MSRA: variants seen among roughly 807,000 people sequenced by gnomAD.
MSRA encodes methionine sulfoxide reductase A, also known as mitochondrial peptide methionine sulfoxide reductase.
A neutral mutation model predicts 31.3 loss-of-function variants in MSRA; 54 were observed. That is an observed-to-expected ratio of 1.73 (90% CI 1.39 to 2.17). The LOEUF (loss-of-function observed/expected upper bound fraction) is 2.17. Ranked by LOEUF, MSRA falls within the 30% of genes most tolerant of loss-of-function variation. MSRA has a pLI of 0.00. For missense variants in MSRA, 507 were observed against 300.9 expected (o/e 1.69, Z -5.07); for synonymous variants, 169 against 116.5 (o/e 1.45, Z -2.90).
chr8:10,058,297 G>A (rs1221647185), intron 1 of MSRA, among the ~76,000 whole-genome samples: 1 of 152,112 alleles, frequency 6.6e-6, no homozygotes, highest in Non-Finnish European at 1.5e-5. Context: ...CAATGAGGTA[G>A]TCTCAAGAAA....
intron 5 of MSRA, among the ~76,000 whole-genome samples, chr8:10,420,110 G>C (rs143550920): frequency 5.9e-5 from 9 of 152,252 alleles, no homozygotes; most frequent in African/African-American, 2.2e-4. Context: ...GCCTTAAAAA[G>C]AAAGGGTATT....
At chr8:10,236,398 C>A (rs1359535312) in intron 2 of MSRA, among the ~76,000 whole-genome samples, 1 of 152,158 alleles carries the variant, frequency 6.6e-6, no homozygotes, top group Non-Finnish European at 1.5e-5. Context: ...GAATTCTCTA[C>A]TCTTTCTGGC....
At chr8:10,205,728 C>G (rs1329479143) in intron 1 of MSRA, among the ~76,000 whole-genome samples, 1 of 152,156 alleles carries the variant, frequency 6.6e-6, no homozygotes, top group African/African-American at 2.4e-5. Context: ...CTTGCATAGT[C>G]TTTGTGTTTT....
intron 5 of MSRA, among the ~76,000 whole-genome samples, chr8:10,420,854 G>A (rs1339815105): frequency 1.3e-5 from 2 of 150,818 alleles, no homozygotes; most frequent in African/African-American, 2.4e-5. Flanking sequence ...AAATGGCTAA[G>A]ATAGTACATT....
intron 1 of MSRA, among the ~76,000 whole-genome samples, chr8:10,183,307 C>G (rs567797259): frequency 1.3e-5 from 2 of 152,218 alleles, no homozygotes; most frequent in Admixed American, 6.5e-5. Context: ...GAGAACCAAC[C>G]GAAGACAGAC....
intron 5 of MSRA, among the ~76,000 whole-genome samples, chr8:10,402,229 T>C (rs1807510583): frequency 6.6e-6 from 1 of 152,126 alleles, no homozygotes; most frequent in Non-Finnish European, 1.5e-5. Flanking sequence ...TCTAAACATT[T>C]GGCTATGAAG....
chr8:10,227,613 C>T lies in MSRA; in HGVS notation c.212-17491C>T, dbSNP rs552843797. Among the ~76,000 whole-genome samples, 2 of 152,072 alleles carry T rather than the reference C, an allele frequency of 1.3e-5. 1 individual carries two copies. Among genetic ancestry groups the T allele is most frequent in the South Asian group, 4.1e-4 (2 of 4,822 alleles). The stretch of plus-strand genomic sequence containing the variant: ...GAAAAATAGCAATGTGTATAAAGAA[C>T]CTGGAGCTGCATTAATCACAGTGCA... On this transcript the variant is annotated intron_variant, in intron 2 of 5. Transcript: ENST00000317173.
chr8:10,401,760 T>C (rs1179670136), intron 5 of MSRA, among the ~76,000 whole-genome samples: 2 of 152,188 alleles, frequency 1.3e-5, no homozygotes, highest in Non-Finnish European at 1.5e-5. Flanking sequence ...GTGCTACAGA[T>C]GGGCGAACCT....
intron 4 of MSRA, among the ~76,000 whole-genome samples, chr8:10,317,540 C>T (rs1450761319): frequency 6.6e-6 from 1 of 152,172 alleles, no homozygotes; most frequent in Non-Finnish European, 1.5e-5. Context: ...AAATCTCAAG[C>T]AGTTGGTAGA....
intron 1 of MSRA, among the ~76,000 whole-genome samples, chr8:10,067,302 A>T (rs1797503638): frequency 6.6e-6 from 1 of 152,062 alleles, no homozygotes; most frequent in African/African-American, 2.4e-5. Flanking sequence ...GGCTTCTTTC[A>T]CTTAACAATA....
chr8:10,210,898 T>C (rs922328659), intron 2 of MSRA, among the ~76,000 whole-genome samples: 1 of 143,148 alleles, frequency 7.0e-6, no homozygotes, highest in African/African-American at 2.6e-5. Flanking sequence ...CACGCTCACC[T>C]TTTTTTTTTT....
chr8:10,356,591 A>C (rs933780293), intron 5 of MSRA, among the ~76,000 whole-genome samples: 1 of 152,220 alleles, frequency 6.6e-6, no homozygotes, highest in African/African-American at 2.4e-5. Context: ...TTAGTAGGTG[A>C]TGATGATGAC....
intron 5 of MSRA, among the ~76,000 whole-genome samples, chr8:10,358,835 G>A (rs958520177): frequency 1.3e-4 from 19 of 148,746 alleles, no homozygotes; most frequent in East Asian, 1.9e-4. Flanking sequence ...CTCGTGATCC[G>A]CCCGCCTCGG....
chr8:10,140,908 GAAAA>G (rs910275851), intron 1 of MSRA, among the ~76,000 whole-genome samples: 1 of 151,692 alleles, frequency 6.6e-6, no homozygotes, highest in Non-Finnish European at 1.5e-5. Context: ...CAGTAATAAA[GAAAA>G]AAAATCAAGG....
intron 1 of MSRA, among the ~76,000 whole-genome samples, chr8:10,133,137 G>T (rs1802020955): frequency 6.6e-6 from 1 of 152,200 alleles, no homozygotes; most frequent in South Asian, 2.1e-4. Flanking sequence ...AATTGTTGAT[G>T]AGGTATATAT....
chr8:10,332,066 A>T (rs1802734377), intron 5 of MSRA, among the ~76,000 whole-genome samples: 1 of 152,170 alleles, frequency 6.6e-6, no homozygotes, highest in South Asian at 2.1e-4. Context: ...ACAATATAGG[A>T]TCAGCATATC....
At chr8:10,079,141 G>A (rs184906406) in intron 1 of MSRA, among the ~76,000 whole-genome samples, 1 of 152,160 alleles carries the variant, frequency 6.6e-6, no homozygotes, top group South Asian at 2.1e-4. Context: ...ATAGCACCTG[G>A]CTCAGCATAT....
chr8:10,119,451 G>C (rs1028034055), intron 1 of MSRA, among the ~76,000 whole-genome samples: 1 of 152,186 alleles, frequency 6.6e-6, no homozygotes, highest in Non-Finnish European at 1.5e-5. Context: ...CTTGGGAGTG[G>C]CTTGTAGCAG....
intron 4 of MSRA, among the ~76,000 whole-genome samples, chr8:10,310,149 G>T (rs1326372922): frequency 1.3e-5 from 2 of 152,148 alleles, no homozygotes; most frequent in Non-Finnish European, 2.9e-5. Context: ...CATATACAAG[G>T]AATCTATCAT....
Sources: allele counts gnomAD v4.1 joint callset (sites outside exome capture counted in the v4.1 genomes callset), GRCh38; gene constraint gnomAD v4.1.1; transcripts MANE v1.5; gene names NCBI Gene and HGNC (gene_info 2026-07-23, HGNC 2026-07-21).